Variants in UNC5C observed in about 807,000 individuals in gnomAD.
UNC5C encodes the protein unc-5 netrin receptor C.
UNC5C carries 47 observed loss-of-function variants against 99.8 expected under a neutral mutation model. The observed-to-expected ratio is 0.47, with a 90% CI of 0.37 to 0.60. The LOEUF (loss-of-function observed/expected upper bound fraction) is 0.60, where lower values mean the gene tolerates loss of function less well. UNC5C is among the 20% of genes least tolerant of loss of function. The pLI, the probability that UNC5C is intolerant of heterozygous loss-of-function variation, is 0.00. For missense variants in UNC5C, 1,062 were observed against 1,165.9 expected (o/e 0.91, Z 1.30); for synonymous variants, 487 against 452.2 (o/e 1.08, Z -0.98).
intron 3 of UNC5C, among the ~76,000 whole-genome samples, chr4:95,291,342 G>A (rs543656013): frequency 1.3e-5 from 2 of 152,152 alleles, no homozygotes; most frequent in South Asian, 2.1e-4. Context: ...TCTTTTCTCA[G>A]AGTACAAAAA....
intron 2 of UNC5C, among the ~76,000 whole-genome samples, chr4:95,323,508 T>TAA (rs2149414176): frequency 6.6e-6 from 1 of 152,272 alleles, no homozygotes; most frequent in East Asian, 1.9e-4. Context: ...AATAATTAAT[T>TAA]AAGCTGAACT....
chr4:95,468,162 A>G (rs1747850754), intron 1 of UNC5C, among the ~76,000 whole-genome samples: 1 of 151,096 alleles, frequency 6.6e-6, no homozygotes, highest in Non-Finnish European at 1.5e-5. Flanking sequence ...TTTCTTTAAA[A>G]CTTTTGTATA....
chr4:95,267,949 ATTT>A (rs869293955), intron 4 of UNC5C, among the ~76,000 whole-genome samples: 2 of 117,564 alleles, frequency 1.7e-5, no homozygotes, highest in African/African-American at 3.4e-5. Flanking sequence ...GAATTTTGTG[ATTT>A]TTTTTTTTTT....
rs1743802066 is a variant in UNC5C, at chr4:95,347,049, T to C, written c.125-11418A>G. ...TTCATCAAAAAACTATTGGAACTAA[T>C]AAACAAATTCAGTAAAGTTGCAGGA... On this transcript the variant is annotated intron_variant, in intron 1 of 15. Coordinates refer to ENST00000453304, the MANE Select transcript of UNC5C (RefSeq NM_003728.4). 2.6e-5 allele frequency among the ~76,000 whole-genome samples: 4 copies of C among 152,074 alleles called. No individual in the cohort carries two copies. In the South Asian group the frequency reaches 8.3e-4, roughly 32 times the overall value.
At chr4:95,291,950 G>A (rs1198264365) in intron 3 of UNC5C, among the ~76,000 whole-genome samples, 2 of 151,824 alleles carry the variant, frequency 1.3e-5, no homozygotes, top group African/African-American at 2.4e-5. Context: ...GGTGTACAGG[G>A]GAGCCTGCTG....
intron 1 of UNC5C, among the ~76,000 whole-genome samples, chr4:95,523,581 A>G (rs1412539892): frequency 2.0e-5 from 3 of 152,176 alleles, no homozygotes; most frequent in African/African-American, 7.2e-5. Context: ...AGAGAGAAAA[A>G]ATAATAAAAA....
intron 13 of UNC5C, among the ~76,000 whole-genome samples, chr4:95,183,822 A>ATTACT (rs925739152): frequency 2.6e-5 from 4 of 152,188 alleles, no homozygotes; most frequent in Non-Finnish European, 5.9e-5. Flanking sequence ...CCTGGGGCAA[A>ATTACT]TTACTTAATC....
intron 1 of UNC5C, among the ~76,000 whole-genome samples, chr4:95,363,257 T>C (rs1744451508): frequency 6.6e-6 from 1 of 152,124 alleles, no homozygotes; most frequent in Non-Finnish European, 1.5e-5. Flanking sequence ...ATCTCACTGA[T>C]CTCACTTGGC....
intron 10 of UNC5C, among the ~76,000 whole-genome samples, chr4:95,207,184 G>C (rs1046312064): frequency 6.6e-6 from 1 of 151,944 alleles, no homozygotes; most frequent in African/African-American, 2.4e-5. Context: ...GGTCTCACAG[G>C]GTTTTAAATA....
intron 1 of UNC5C, among the ~76,000 whole-genome samples, chr4:95,387,853 T>C (rs1214795237): frequency 6.6e-6 from 1 of 152,198 alleles, no homozygotes; most frequent in Non-Finnish European, 1.5e-5. Flanking sequence ...GTCTAAATGA[T>C]TGACTGCTCC....
intron 1 of UNC5C, among the ~76,000 whole-genome samples, chr4:95,537,514 A>G (rs919845782): frequency 2.0e-5 from 3 of 152,348 alleles, no homozygotes; most frequent in South Asian, 4.1e-4. Flanking sequence ...GTTGCAGAAC[A>G]CTGTCCTAGA....
chr4:95,196,099 C>T (rs867907186), intron 12 of UNC5C, among the ~76,000 whole-genome samples: 1 of 152,134 alleles, frequency 6.6e-6, no homozygotes, highest in Non-Finnish European at 1.5e-5. Context: ...CCTTTGGATA[C>T]TGGGACAGAA....
Position 95,216,198 on chromosome 4 carries a change from C to G in UNC5C, c.1659G>C (p.Leu553=), listed in dbSNP as rs750429084. 6.2e-7 allele frequency: 1 copy of G among 1,613,220 alleles called. No individual in the cohort carries two copies. Among genetic ancestry groups the G allele is most frequent in the Non-Finnish European group, 8.5e-7 (1 of 1,179,886 alleles). ...LIVPNSGVSL[L]IPAGAIPQGR... Reference sequence around the variant, plus strand: ...CTTGGGGAATGGCCCCAGCGGGAATCAGCAAGCTGACTCCTGAATAGCAAA... The same window carrying G: ...CTTGGGGAATGGCCCCAGCGGGAATGAGCAAGCTGACTCCTGAATAGCAAA... The change falls in exon 10 of 16, where the codon CTG becomes CTC. Residue 553 remains leucine (L), a synonymous_variant. Transcript: ENST00000453304.
At chr4:95,489,821 T>C (rs1578191815) in intron 1 of UNC5C, among the ~76,000 whole-genome samples, 1 of 151,450 alleles carries the variant, frequency 6.6e-6, no homozygotes, top group South Asian at 2.1e-4. Context: ...TATGGATAGG[T>C]TGTATGTGAG....
chr4:95,270,152 C>T (rs1347937331), intron 4 of UNC5C, among the ~76,000 whole-genome samples: 4 of 152,200 alleles, frequency 2.6e-5, no homozygotes, highest in Non-Finnish European at 5.9e-5. Flanking sequence ...AAAGGTATCT[C>T]ACCTTCCCTT....
intron 1 of UNC5C, among the ~76,000 whole-genome samples, chr4:95,522,791 G>A (rs1262722411): frequency 2.6e-5 from 4 of 152,018 alleles, no homozygotes; most frequent in African/African-American, 9.7e-5. Flanking sequence ...GTTTTTATCT[G>A]TGCTTGGAAC....
intron 1 of UNC5C, among the ~76,000 whole-genome samples, chr4:95,505,833 G>A (rs528347535): frequency 1.1e-3 from 174 of 152,138 alleles, no homozygotes; most frequent in African/African-American, 4.0e-3. Context: ...ATGAGAATCT[G>A]TCTTCTAGAA....
chr4:95,429,294 AAAAC>A (rs1223427659), intron 1 of UNC5C, among the ~76,000 whole-genome samples: 1 of 149,326 alleles, frequency 6.7e-6, no homozygotes, highest in East Asian at 2.0e-4. Flanking sequence ...AAAAAAAAAA[AAAAC>A]AAACAAAAAA....
At position 95,288,207 on chromosome 4, in the gene UNC5C, C is replaced by T. The variant is rs140626904; in HGVS notation, c.491-9845G>A. On this transcript the variant is annotated intron_variant, in intron 3 of 15. Coordinates refer to ENST00000453304, the MANE Select transcript of UNC5C (RefSeq NM_003728.4). ...ACACCATTCTCCTGCCTCAGCCTCC[C>T]GAGTAGCTGGGACTACAGGCACCCG... Among the ~76,000 whole-genome samples the T allele has an allele frequency of 1.8e-4, 27 of 152,066 alleles. 1 individual carries two copies. The highest frequency in any genetic ancestry group is 4.8e-4 in the African/African-American group (20 of 41,462).
Sources: allele counts gnomAD v4.1 joint callset (sites outside exome capture counted in the v4.1 genomes callset), GRCh38; gene constraint gnomAD v4.1.1; transcripts MANE v1.5; gene names NCBI Gene and HGNC (gene_info 2026-07-23, HGNC 2026-07-21).